Variants in KCNQ5 observed in about 807,000 individuals in gnomAD.
KCNQ5 encodes the protein potassium voltage-gated channel subfamily KQT member 5.
Under a neutral mutation model 98.2 loss-of-function variants are expected in KCNQ5, and 30 were observed. That is an observed-to-expected ratio of 0.31 (90% CI 0.23 to 0.41). The LOEUF (loss-of-function observed/expected upper bound fraction) is 0.41. Among genes scored for constraint, KCNQ5 ranks in the 10% least tolerant of loss-of-function variants. The pLI, the probability that KCNQ5 is intolerant of heterozygous loss-of-function variation, is 1.00. For missense variants in KCNQ5, 835 were observed against 1,182.5 expected, an observed-to-expected ratio of 0.71 and a Z score of 4.31; for synonymous variants, 458 against 449.4, an observed-to-expected ratio of 1.02 and a Z score of -0.24.
intron 1 of KCNQ5, among the ~76,000 whole-genome samples, chr6:72,631,058 A>G (rs2098920541): frequency 6.6e-6 from 1 of 152,182 alleles, no homozygotes; most frequent in Non-Finnish European, 1.5e-5. Flanking sequence ...GAAATGTATT[A>G]GTGAATGATT....
chr6:73,191,441 G>A (rs1372206435), intron 12 of KCNQ5, among the ~76,000 whole-genome samples: 1 of 152,064 alleles, frequency 6.6e-6, no homozygotes, highest in Non-Finnish European at 1.5e-5. Flanking sequence ...ACCACATATG[G>A]TTGATTGTGA....
chr6:72,744,958 A>C (rs1232969110), intron 1 of KCNQ5, among the ~76,000 whole-genome samples: 1 of 152,194 alleles, frequency 6.6e-6, no homozygotes, highest in East Asian at 1.9e-4. Flanking sequence ...ATGGATATGG[A>C]TTTATGGACA....
At chr6:73,045,515 G>T (rs1408740094) in intron 3 of KCNQ5, among the ~76,000 whole-genome samples, 1 of 152,122 alleles carries the variant, frequency 6.6e-6, no homozygotes, top group Non-Finnish European at 1.5e-5. Context: ...ATAGTCAAGT[G>T]TGTTTTGGGA....
At chr6:72,910,998 G>C (rs1779922285) in intron 1 of KCNQ5, among the ~76,000 whole-genome samples, 1 of 152,162 alleles carries the variant, frequency 6.6e-6, no homozygotes, top group Non-Finnish European at 1.5e-5. Context: ...TATGACTCCA[G>C]ATGAAGCCCA....
At chr6:72,668,092 A>T (rs910744446) in intron 1 of KCNQ5, among the ~76,000 whole-genome samples, 2 of 152,202 alleles carry the variant, frequency 1.3e-5, no homozygotes, top group African/African-American at 4.8e-5. Flanking sequence ...GGTTTTGATA[A>T]ATGTACTATG....
intron 10 of KCNQ5, among the ~76,000 whole-genome samples, chr6:73,140,224 G>A (rs1433514341): frequency 6.6e-6 from 1 of 152,134 alleles, no homozygotes; most frequent in Non-Finnish European, 1.5e-5. Context: ...ATGCACACGA[G>A]CTTTCATCTT....
chr6:72,836,570 CT>C (rs1776512010), intron 1 of KCNQ5, among the ~76,000 whole-genome samples: 1 of 152,054 alleles, frequency 6.6e-6, no homozygotes, highest in Non-Finnish European at 1.5e-5. Flanking sequence ...TCCCAAGTAG[CT>C]GGGACTACAC....
chr6:72,632,759 T>C (rs2098921739), intron 1 of KCNQ5, among the ~76,000 whole-genome samples: 1 of 152,182 alleles, frequency 6.6e-6, no homozygotes, highest in African/African-American at 2.4e-5. Flanking sequence ...AGGACATGAT[T>C]TCATTCTTTT....
chr6:72,862,455 C>T (rs1006864827), intron 1 of KCNQ5, among the ~76,000 whole-genome samples: 13 of 152,080 alleles, frequency 8.5e-5, no homozygotes, highest in African/African-American at 3.1e-4. Context: ...CCTGCTGTCT[C>T]TTTTTTTAGT....
chr6:72,984,574 G>A (rs545542860), intron 1 of KCNQ5, among the ~76,000 whole-genome samples: 10 of 152,338 alleles, frequency 6.6e-5, no homozygotes, highest in Admixed American at 3.9e-4. Context: ...GAAAAGCCTA[G>A]TATTGGGGTG....
At chr6:72,769,081 C>T (rs774041519) in intron 1 of KCNQ5, among the ~76,000 whole-genome samples, 15 of 152,082 alleles carry the variant, frequency 9.9e-5, no homozygotes, top group Non-Finnish European at 1.9e-4. Flanking sequence ...AGATACTTTG[C>T]TTTTCCTATT....
At chr6:73,113,049 T>C (rs1373583898) in intron 7 of KCNQ5, among the ~76,000 whole-genome samples, 2 of 152,154 alleles carry the variant, frequency 1.3e-5, no homozygotes, top group African/African-American at 4.8e-5. Context: ...AGTTGGAGTT[T>C]AAGATCTGAT....
At chr6:72,901,900 T>C (rs758386156) in intron 1 of KCNQ5, among the ~76,000 whole-genome samples, 1 of 152,228 alleles carries the variant, frequency 6.6e-6, no homozygotes, top group Non-Finnish European at 1.5e-5. Flanking sequence ...GGTGGTATTT[T>C]GATGGAAATT....
intron 1 of KCNQ5, among the ~76,000 whole-genome samples, chr6:72,695,379 AAAC>A (rs1444864148): frequency 6.6e-6 from 1 of 152,338 alleles, no homozygotes; most frequent in African/African-American, 2.4e-5. Flanking sequence ...AAAGTACAGA[AAAC>A]AATAAATATT....
intron 9 of KCNQ5, among the ~76,000 whole-genome samples, chr6:73,131,598 T>TA (rs10707320): frequency 8.1e-5 from 12 of 148,836 alleles, no homozygotes; most frequent in African/African-American, 1.7e-4. Context: ...TTTTACAATT[T>TA]AAAAAAAAAA....
At chr6:73,118,046 GT>G (rs11340160) in intron 7 of KCNQ5, among the ~76,000 whole-genome samples, 5,592 of 152,096 alleles carry the variant, frequency 0.037, 350 homozygotes, top group African/African-American at 0.13. Flanking sequence ...TATTTTTCTA[GT>G]TTTTTTATGT....
chr6:72,665,994 T>G (rs1766791475), intron 1 of KCNQ5, among the ~76,000 whole-genome samples: 1 of 152,216 alleles, frequency 6.6e-6, no homozygotes, highest in South Asian at 2.1e-4. Flanking sequence ...CATGACCTCA[T>G]ATTTGTTTCC....
chr6:73,030,850 G>C (rs956421628), intron 2 of KCNQ5, among the ~76,000 whole-genome samples: 14 of 152,134 alleles, frequency 9.2e-5, no homozygotes, highest in Admixed American at 8.5e-4. Flanking sequence ...ATTTCTTCCG[G>C]GTTTTTCACA....
At chr6:72,658,799 C>T (rs1489951619) in intron 1 of KCNQ5, among the ~76,000 whole-genome samples, 1 of 151,850 alleles carries the variant, frequency 6.6e-6, no homozygotes, top group East Asian at 1.9e-4. Flanking sequence ...AGGCTGATCT[C>T]GAACTCCTGA....
Sources: allele counts gnomAD v4.1 joint callset (sites outside exome capture counted in the v4.1 genomes callset), GRCh38; gene constraint gnomAD v4.1.1; transcripts MANE v1.5; gene names NCBI Gene and HGNC (gene_info 2026-07-23, HGNC 2026-07-21).